Variants in LIPH observed in about 807,000 individuals in gnomAD.
LIPH encodes lipase member H.
LIPH carries 32 observed loss-of-function variants against 47.6 expected under a neutral mutation model. The observed-to-expected ratio is 0.67, with a 90% CI of 0.51 to 0.90. The LOEUF (loss-of-function observed/expected upper bound fraction) is 0.90. LIPH is among the 40% of genes least tolerant of loss of function. The pLI is 0.00. For synonymous variants in LIPH, 190 were observed against 195.6 expected, an observed-to-expected ratio of 0.97 and a Z score of 0.24; for missense variants, 497 against 541.4, an observed-to-expected ratio of 0.92 and a Z score of 0.81.
At chr3:185,550,949 C>T (rs2148968384) in intron 1 of LIPH, among the ~76,000 whole-genome samples, 1 of 152,212 alleles carries the variant, frequency 6.6e-6, no homozygotes, top group African/African-American at 2.4e-5. Context: ...CTTTGGAAGG[C>T]CAAGGCGGGT....
intron 5 of LIPH, among the ~76,000 whole-genome samples, chr3:185,519,815 C>A (rs1719844867): frequency 8.9e-6 from 1 of 112,118 alleles, no homozygotes; most frequent in Non-Finnish European, 1.7e-5. Context: ...CCAGCCTGGG[C>A]AACAGAGTGA....
intron 1 of LIPH, 83 bp from the exon 2 acceptor site, chr3:185,535,215 A>C: frequency 6.6e-7 from 1 of 1,510,564 alleles, no homozygotes. Flanking sequence ...TATTTGTAGG[A>C]GTTCTTCTTA....
At chr3:185,509,946 C>CT (rs66966684) in intron 9 of LIPH, among the ~76,000 whole-genome samples, 1,449 of 118,432 alleles carry the variant, frequency 0.012, 21 homozygotes, top group African/African-American at 0.031. Flanking sequence ...TTTTTGTTTT[C>CT]TTTTTTTTTT....
At chr3:185,514,107 TAAG>T (rs1002451353) in intron 8 of LIPH, among the ~76,000 whole-genome samples, 2 of 149,454 alleles carry the variant, frequency 1.3e-5, no homozygotes, top group Non-Finnish European at 3.0e-5. Flanking sequence ...TCAAAGGAAG[TAAG>T]GAGGAGAGGA....
At chr3:185,510,431 C>T (rs1003852452) in intron 9 of LIPH, among the ~76,000 whole-genome samples, 1 of 152,192 alleles carries the variant, frequency 6.6e-6, no homozygotes, top group Non-Finnish European at 1.5e-5. Context: ...CGCCCTCTTT[C>T]TCTGTTTCTC....
At chr3:185,524,844 A>G (rs1211638848) in intron 4 of LIPH, among the ~76,000 whole-genome samples, 3 of 152,218 alleles carry the variant, frequency 2.0e-5, no homozygotes, top group Admixed American at 2.0e-4. Flanking sequence ...GATACAGGAA[A>G]AAATGAATGT....
chr3:185,528,990 C>G (rs1158628634), intron 3 of LIPH, among the ~76,000 whole-genome samples: 1 of 137,084 alleles, frequency 7.3e-6, no homozygotes, highest in Admixed American at 7.7e-5. Flanking sequence ...GGTGAAACCC[C>G]GTATCTATTA....
At chr3:185,515,408 A>G (rs1024713081) in intron 7 of LIPH, among the ~76,000 whole-genome samples, 3 of 152,142 alleles carry the variant, frequency 2.0e-5, no homozygotes, top group Non-Finnish European at 4.4e-5. Flanking sequence ...TTGCCATTTT[A>G]TGGCCCAACT....
intron 1 of LIPH, among the ~76,000 whole-genome samples, chr3:185,537,033 C>T (rs938707979): frequency 1.3e-5 from 2 of 152,082 alleles, no homozygotes; most frequent in Non-Finnish European, 2.9e-5. Flanking sequence ...TACAGGCGCC[C>T]GCCACCATGC....
intron 8 of LIPH, among the ~76,000 whole-genome samples, chr3:185,512,500 T>C (rs1474897325): frequency 1.3e-5 from 2 of 150,994 alleles, no homozygotes; most frequent in African/African-American, 4.9e-5. Flanking sequence ...TTTTTTTTTT[T>C]TTTTTTGAGA....
At chr3:185,542,803 T>C (rs1199352419) in intron 1 of LIPH, among the ~76,000 whole-genome samples, 1 of 152,150 alleles carries the variant, frequency 6.6e-6, no homozygotes, top group Non-Finnish European at 1.5e-5. Context: ...ACGGATGAAA[T>C]CATCTCTTTT....
At chr3:185,543,478 C>T (rs1720775872) in intron 1 of LIPH, among the ~76,000 whole-genome samples, 1 of 152,188 alleles carries the variant, frequency 6.6e-6, no homozygotes, top group Non-Finnish European at 1.5e-5. Flanking sequence ...TGACCAGAGG[C>T]TTGCAGAAAA....
chr3:185,526,721 T>TAAAATA (rs1212287630), intron 4 of LIPH, among the ~76,000 whole-genome samples: 2 of 140,726 alleles, frequency 1.4e-5, no homozygotes, highest in African/African-American at 5.2e-5. Flanking sequence ...TAAAATAAAA[T>TAAAATA]AAAATAAAAA....
chr3:185,537,418 C>T (rs1376161144), intron 1 of LIPH, among the ~76,000 whole-genome samples: 1 of 152,022 alleles, frequency 6.6e-6, no homozygotes, highest in African/African-American at 2.4e-5. Flanking sequence ...GCCTGTGTAG[C>T]GAGGCGTGCT....
chr3:185,534,684 G>T, intron 2 of LIPH, 81 bp downstream of exon 2: 1 of 1,439,378 alleles, frequency 6.9e-7, no homozygotes, highest in Non-Finnish European at 9.7e-7. Flanking sequence ...CCTGCTCACT[G>T]TAGCTATCTC....
At chr3:185,529,957 A>AGAAAGAAG (rs554483890) in intron 3 of LIPH, among the ~76,000 whole-genome samples, 1 of 56,972 alleles carries the variant, frequency 1.8e-5, no homozygotes, top group African/African-American at 4.8e-5. Context: ...AAAGAAAGAA[A>AGAAAGAAG]GAAAGAAGGA....
chr3:185,538,820 C>CACATATACATATATACATATATACACAT (rs1560169542), intron 1 of LIPH, among the ~76,000 whole-genome samples: 3 of 12,334 alleles, frequency 2.4e-4, no homozygotes, highest in Admixed American at 1.2e-3. Context: ...CATATATACA[C>CACATATACATATATACATATATACACAT]ACATATACAT....
In LIPH at chr3:185,533,558, C is replaced by T; in HGVS notation, c.526+13G>A. 1 of 1,559,672 alleles carries T rather than the reference C, an allele frequency of 6.4e-7. No homozygotes were observed. The highest frequency in any genetic ancestry group is 8.8e-7 in the Non-Finnish European group (1 of 1,130,126). On this transcript the variant is annotated intron_variant, in intron 3 of 9. Coordinates refer to ENST00000296252, the MANE Select transcript of LIPH (RefSeq NM_139248.3). ...CCCAGGCTACCAACCCATGCCCATTCACAGGCACTTACCTGTAATTCTCCC... is the reference window on the plus strand; with the variant it reads ...CCCAGGCTACCAACCCATGCCCATTTACAGGCACTTACCTGTAATTCTCCC...
In LIPH at chr3:185,527,545, G is replaced by A; in HGVS notation, c.567C>T (p.His189=). ...CATCACTGGGATCTAATCTGTCTTG[G>A]TGAGGTTTCCCGTTGAATAAAGGGC... ...PAGPLFNGKP[H]QDRLDPSDAQ... Residue 189 remains histidine, a synonymous_variant, in exon 4 of 10, where the codon CAC becomes CAT. Transcript: ENST00000296252. The A allele has an allele frequency of 1.9e-6, 3 of 1,612,904 alleles. No homozygotes were observed. Among genetic ancestry groups the A allele is most frequent in the Non-Finnish European group, 2.5e-6 (3 of 1,179,766 alleles).
Sources: allele counts gnomAD v4.1 joint callset (sites outside exome capture counted in the v4.1 genomes callset), GRCh38; gene constraint gnomAD v4.1.1; transcripts MANE v1.5; gene names NCBI Gene and HGNC (gene_info 2026-07-23, HGNC 2026-07-21).